The following MTRF1 variants were observed in gnomAD, a reference collection of about 807,000 sequenced individuals.
MTRF1 encodes peptide chain release factor 1, mitochondrial.
A neutral mutation model predicts 62.9 loss-of-function variants in MTRF1; 51 were observed. The observed-to-expected ratio is 0.81, with a 90% confidence interval of 0.65 to 1.02. MTRF1 has a LOEUF of 1.02. Ranked by LOEUF, MTRF1 falls within the 50% of genes least tolerant of loss-of-function variation. The pLI is 0.00. For synonymous variants in MTRF1, 158 were observed against 181.9 expected (o/e 0.87, Z 1.06); for missense variants, 446 against 530.0 (o/e 0.84, Z 1.56).
At chr13:41,280,505 G>T in the MTRF1 span, among the ~76,000 whole-genome samples, 1 of 151,806 alleles carries the variant, frequency 6.6e-6, no homozygotes, top group Non-Finnish European at 1.5e-5. Context: ...CTGTGTCACG[G>T]GCTGTGGTCA....
chr13:41,306,104 T>C, the MTRF1 span, among the ~76,000 whole-genome samples: 4 of 152,096 alleles, frequency 2.6e-5, no homozygotes, highest in South Asian at 2.1e-4. Flanking sequence ...AAGAGCCGGC[T>C]GGGCGCGGTG....
At chr13:41,289,131 T>TA in the MTRF1 span, among the ~76,000 whole-genome samples, 2 of 151,994 alleles carry the variant, frequency 1.3e-5, no homozygotes, top group African/African-American at 2.4e-5. Flanking sequence ...AAGCAAAAAT[T>TA]TAAAAAAAAA....
intron 1 of MTRF1, 83 bp downstream of exon 1, chr13:41,263,402 C>A (rs1331630189): frequency 2.8e-6 from 2 of 708,110 alleles, no homozygotes; most frequent in Admixed American, 4.7e-5. Context: ...GCAAACCATG[C>A]TGTGTAACTC....
chr13:41,298,257 T>G, the MTRF1 span, among the ~76,000 whole-genome samples: 2 of 152,198 alleles, frequency 1.3e-5, no homozygotes, highest in African/African-American at 4.8e-5. Context: ...ATCAGCAAAA[T>G]TAACTAGCTC....
chr13:41,224,350 C>T (rs1295475468), intron 8 of MTRF1, among the ~76,000 whole-genome samples: 3 of 152,170 alleles, frequency 2.0e-5, no homozygotes, highest in South Asian at 2.1e-4. Flanking sequence ...CTCCCCAACA[C>T]CCGATATACA....
At chr13:41,279,463 A>G in the MTRF1 span, among the ~76,000 whole-genome samples, 1 of 152,156 alleles carries the variant, frequency 6.6e-6, no homozygotes, top group Admixed American at 6.5e-5. Flanking sequence ...CCAATTGCCA[A>G]TCAGAAAATA....
At chr13:41,233,771 C>A in intron 7 of MTRF1, 119 bp downstream of exon 7, 2 of 758,446 alleles carry the variant, frequency 2.6e-6, no homozygotes. Flanking sequence ...ATCCACAACC[C>A]CAGTGACATT....
chr13:41,261,359 T>C (rs2040437487), intron 1 of MTRF1: 1 of 97,038 alleles, frequency 1.0e-5, no homozygotes, highest in Non-Finnish European at 2.3e-5. Flanking sequence ...TTCAGCTGCC[T>C]ACAGAAAGAA....
chr13:41,248,892 T>A (rs986838165), intron 5 of MTRF1, among the ~76,000 whole-genome samples: 2 of 152,212 alleles, frequency 1.3e-5, no homozygotes, highest in Admixed American at 1.3e-4. Context: ...ACACTACATA[T>A]CTAGAGCCAT....
chr13:41,224,048 G>A (rs1203168418), intron 8 of MTRF1, among the ~76,000 whole-genome samples: 4 of 152,272 alleles, frequency 2.6e-5, no homozygotes, highest in East Asian at 3.9e-4. Context: ...ACTTTGTAAC[G>A]TGGCCAATCT....
At position 41,230,115 on chromosome 13, in the gene MTRF1, A is replaced by C. The variant is rs556137513; in HGVS notation, c.989-3547T>G. On this transcript the variant is annotated intron_variant, in intron 7 of 9. Transcript: ENST00000379480. ...CTAGACTCCATCTAAGAAAAAAAAA[A>C]AAGTATAACTTCATTTTTGGGGAAA... is the stretch of plus-strand genomic sequence containing the variant. 5.3e-5 allele frequency among the ~76,000 whole-genome samples: 8 copies of C among 152,156 alleles called. No homozygotes were observed. The East Asian group carries it at 1.5e-3, about 29-fold the overall frequency.
rs375449130 is a variant in MTRF1, at chr13:41,240,140, G to A, written c.870+121C>T. 6.4e-5 allele frequency: 64 copies of A among 998,304 alleles called. No homozygotes were observed. In the East Asian group the frequency reaches 9.4e-4, roughly 15 times the overall value. 61.8% of individuals were successfully genotyped at this position (998,304 alleles called of 1,614,324 possible). A position where few individuals can be genotyped will look rare whatever the true frequency, so the allele number is the denominator to read the frequency against. ...ATCGCGCCACTGTACTCCAACCTGG[G>A]CGACAGAGCGAGACTCTGTCTCAAA... On this transcript the variant is annotated intron_variant, in intron 6 of 9. Coordinates refer to ENST00000379480, the MANE Select transcript of MTRF1 (RefSeq NM_004294.4).
chr13:41,222,309 C>T (rs1413341170), intron 9 of MTRF1, among the ~76,000 whole-genome samples: 5 of 152,092 alleles, frequency 3.3e-5, no homozygotes, highest in African/African-American at 1.2e-4. Flanking sequence ...TTGCTGGATG[C>T]GATTTAGATA....
chr13:41,296,280 C>T, the MTRF1 span, among the ~76,000 whole-genome samples: 1 of 151,506 alleles, frequency 6.6e-6, no homozygotes, highest in Non-Finnish European at 1.5e-5. Flanking sequence ...GCTAATGTAG[C>T]CCAGGCTGGT....
upstream of MTRF1, among the ~76,000 whole-genome samples, chr13:41,264,864 G>GA (rs966818986): frequency 6.6e-6 from 1 of 151,988 alleles, no homozygotes; most frequent in African/African-American, 2.4e-5. Flanking sequence ...CTCCAAAAAA[G>GA]AAAAAACCTT....
chr13:41,291,688 A>G, the MTRF1 span, among the ~76,000 whole-genome samples: 2 of 152,146 alleles, frequency 1.3e-5, no homozygotes, highest in Non-Finnish European at 2.9e-5. Context: ...AAAGAGGGAA[A>G]GGTATTTAAA....
At chr13:41,266,350 G>A (rs1045345331), upstream of MTRF1, among the ~76,000 whole-genome samples, 1 of 152,130 alleles carries the variant, frequency 6.6e-6, no homozygotes, top group African/African-American at 2.4e-5. Flanking sequence ...GGTGGCTCAC[G>A]CCTGTAACCC....
intron 1 of MTRF1, among the ~76,000 whole-genome samples, 156 bp from the exon 2 acceptor site, chr13:41,261,071 C>T (rs1216508120): frequency 1.3e-5 from 2 of 152,350 alleles, no homozygotes; most frequent in African/African-American, 4.8e-5. Flanking sequence ...CAGTGGCTCA[C>T]GCCAGTAATC....
At chr13:41,229,149 C>G (rs1252796760) in intron 7 of MTRF1, 3 of 152,158 alleles carry the variant, frequency 2.0e-5, no homozygotes, top group Non-Finnish European at 4.4e-5. Flanking sequence ...AAATAATTGG[C>G]CCAAGGTAAG....
Sources: allele counts gnomAD v4.1 joint callset (sites outside exome capture counted in the v4.1 genomes callset), GRCh38; gene constraint gnomAD v4.1.1; transcripts MANE v1.5; gene names NCBI Gene and HGNC (gene_info 2026-07-23, HGNC 2026-07-21).